RAPGEF1: variants seen among roughly 807,000 people sequenced by gnomAD.
RAPGEF1 encodes CRK SH3-binding GNRP.
In RAPGEF1, 33 loss-of-function variants were observed where a neutral mutation model predicts 143.3. The observed-to-expected ratio is 0.23, with a 90% confidence interval of 0.17 to 0.31. The LOEUF is 0.31. Ranked by LOEUF, RAPGEF1 falls within the 10% of genes least tolerant of loss-of-function variation. The pLI is 1.00. For synonymous variants in RAPGEF1, 629 were observed against 676.5 expected (o/e 0.93, Z 1.09); for missense variants, 1,199 against 1,645.4 (o/e 0.73, Z 4.69).
chr9:131,661,739 T>C (rs1263238683), intron 1 of RAPGEF1, among the ~76,000 whole-genome samples: 1 of 152,224 alleles, frequency 6.6e-6, no homozygotes, highest in Non-Finnish European at 1.5e-5. Flanking sequence ...CAAACAAATG[T>C]ATTTACCCAT....
intron 1 of RAPGEF1, among the ~76,000 whole-genome samples, chr9:131,734,801 T>A (rs1331502014): frequency 1.3e-5 from 2 of 152,318 alleles, no homozygotes; most frequent in Middle Eastern, 3.4e-3. Context: ...AATGCAGTCA[T>A]TATAAATTTC....
At chr9:131,707,024 C>T (rs1226182318) in intron 1 of RAPGEF1, among the ~76,000 whole-genome samples, 2 of 152,224 alleles carry the variant, frequency 1.3e-5, no homozygotes, top group African/African-American at 4.8e-5. Flanking sequence ...CAATGAAAAT[C>T]TTCAGACATT....
At chr9:131,643,516 T>G (rs1334157327) in intron 3 of RAPGEF1, 99 bp from the exon 4 acceptor site, 1 of 1,203,376 alleles carries the variant, frequency 8.3e-7, no homozygotes, top group Non-Finnish European at 1.1e-6. Flanking sequence ...TTGAGATCGA[T>G]AGGAATGGAA....
At chr9:131,687,796 A>G (rs1044130464) in intron 1 of RAPGEF1, among the ~76,000 whole-genome samples, 1 of 152,076 alleles carries the variant, frequency 6.6e-6, no homozygotes, top group African/African-American at 2.4e-5. Flanking sequence ...CTCCACCCCC[A>G]TGCCTTAAAA....
Position 131,621,763 on chromosome 9 carries a change from G to A in RAPGEF1, c.1905+33C>T, listed in dbSNP as rs779857859. 7 of 1,567,704 alleles carry A rather than the reference G, an allele frequency of 4.5e-6. No homozygotes were observed. Among genetic ancestry groups the A allele is most frequent in the Non-Finnish European group, 6.1e-6 (7 of 1,156,362 alleles). On this transcript the variant is annotated intron_variant, in intron 11 of 26. Coordinates refer to ENST00000683357, the MANE Select transcript of RAPGEF1 (RefSeq NM_001377935.1). This position sits in a 1 kb window ranked among gnomAD's most constrained non-coding sequence, Gnocchi z 4.5. ...GGTTCCTAGAGACCTGCTAGGATCG[G>A]AAGTTCTAGTCACAAGGGAAGGTGT...
intron 5 of RAPGEF1, among the ~76,000 whole-genome samples, chr9:131,633,971 A>T (rs1361616994): frequency 6.6e-6 from 1 of 152,214 alleles, no homozygotes; most frequent in African/African-American, 2.4e-5. Context: ...GTTAGAAAAG[A>T]CTGAAAAAGG....
intron 5 of RAPGEF1, among the ~76,000 whole-genome samples, chr9:131,633,606 G>GA (rs1965532450): frequency 6.6e-6 from 1 of 152,180 alleles, no homozygotes; most frequent in Non-Finnish European, 1.5e-5. Flanking sequence ...AACAATCCTG[G>GA]AATGACAGGC....
Position 131,724,381 on chromosome 9 carries a change from GC to G in RAPGEF1, c.61+15388del, listed in dbSNP as rs1261380180. Among the ~76,000 whole-genome samples the G allele has an allele frequency of 2.6e-5, 4 of 152,170 alleles. No individual in the cohort carries two copies. The East Asian group carries it at 7.7e-4, about 29-fold the overall frequency. On this transcript the variant is annotated intron_variant, in intron 1 of 26. Coordinates refer to ENST00000683357, the MANE Select transcript of RAPGEF1 (RefSeq NM_001377935.1). The stretch of plus-strand genomic sequence containing the variant: ...GAGGCCGAGGCAGGTGGATCACGAG[GC>G]CAGGAGATTGAGACCATCCTGGCTA...
chr9:131,586,555 G>A (rs1240643363), intron 22 of RAPGEF1, among the ~76,000 whole-genome samples: 1 of 75,498 alleles, frequency 1.3e-5, no homozygotes, highest in Non-Finnish European at 2.4e-5. Flanking sequence ...CCTGCAGAGC[G>A]AGACTCCGTC....
chr9:131,624,417 G>C (rs1962297598), intron 10 of RAPGEF1, among the ~76,000 whole-genome samples: 1 of 152,186 alleles, frequency 6.6e-6, no homozygotes, highest in Non-Finnish European at 1.5e-5. Context: ...TAAATTAATA[G>C]GGATTTTCAG....
At chr9:131,612,164 G>A (rs1476071715) in intron 12 of RAPGEF1, among the ~76,000 whole-genome samples, 2 of 152,194 alleles carry the variant, frequency 1.3e-5, no homozygotes, top group Non-Finnish European at 2.9e-5. Flanking sequence ...GGGATCCTGT[G>A]GGTACCAGCC....
intron 5 of RAPGEF1, among the ~76,000 whole-genome samples, chr9:131,631,445 C>G (rs938416444): frequency 5.9e-5 from 9 of 152,376 alleles, no homozygotes; most frequent in South Asian, 2.1e-4. Context: ...GGGCGAGGCG[C>G]CTGCTGCTCG....
intron 5 of RAPGEF1, 114 bp downstream of exon 5, chr9:131,638,521 C>T (rs565309717): frequency 9.6e-5 from 117 of 1,221,000 alleles, no homozygotes; most frequent in Non-Finnish European, 1.2e-4. Flanking sequence ...ACACCAGAGA[C>T]GCAGAAAGAC....
chr9:131,683,514 C>CA (rs1164587204), intron 1 of RAPGEF1, among the ~76,000 whole-genome samples: 1 of 151,620 alleles, frequency 6.6e-6, no homozygotes, highest in East Asian at 1.9e-4. Flanking sequence ...GTTATAATTC[C>CA]AAAAAATTGG....
intron 1 of RAPGEF1, among the ~76,000 whole-genome samples, chr9:131,731,575 T>A (rs1262211049): frequency 1.3e-5 from 2 of 152,214 alleles, no homozygotes; most frequent in African/African-American, 4.8e-5. Context: ...GTCACACTCC[T>A]GCTCCGTTTT....
At position 131,667,033 on chromosome 9, in the gene RAPGEF1, C is replaced by T. The variant is rs962222581; in HGVS notation, c.62-16084G>A. Among the ~76,000 whole-genome samples, 2 of 152,102 alleles carry T rather than the reference C, an allele frequency of 1.3e-5. No individual in the cohort carries two copies. The highest frequency in any genetic ancestry group is 4.8e-5 in the African/African-American group (2 of 41,420). Reference sequence around the variant, plus strand: ...GGAGACAGAGTCTCACTCTGTCACCCAGGCGGAGTGCAGTGGCACGAACTC... The same window carrying T: ...GGAGACAGAGTCTCACTCTGTCACCTAGGCGGAGTGCAGTGGCACGAACTC... On this transcript the variant is annotated intron_variant, in intron 1 of 26. Coordinates refer to ENST00000683357, the MANE Select transcript of RAPGEF1 (RefSeq NM_001377935.1). This position sits in a 1 kb window ranked among gnomAD's most constrained non-coding sequence, Gnocchi z 4.6.
chr9:131,610,842 T>A (rs1957929902), intron 12 of RAPGEF1, among the ~76,000 whole-genome samples: 1 of 152,224 alleles, frequency 6.6e-6, no homozygotes, highest in Admixed American at 6.5e-5. Context: ...GGAGAAAAGC[T>A]TATCTGATTT....
chr9:131,635,984 G>A (rs1225089991), intron 5 of RAPGEF1, among the ~76,000 whole-genome samples: 1 of 152,200 alleles, frequency 6.6e-6, no homozygotes, highest in Non-Finnish European at 1.5e-5. Flanking sequence ...CTCACTGTCT[G>A]TAATGACTCC....
At chr9:131,646,539 C>T (rs547100121) in intron 3 of RAPGEF1, among the ~76,000 whole-genome samples, 24 of 152,272 alleles carry the variant, frequency 1.6e-4, no homozygotes, top group Admixed American at 4.6e-4. Context: ...CAGGAGATGG[C>T]GGGGAAGAGG....
Sources: gnomAD v4.1 joint callset for allele counts (sites outside exome capture counted in the v4.1 genomes callset) on GRCh38, gnomAD v4.1.1 for gene constraint, Gnocchi (gnomAD v3.1) non-coding constraint, MANE v1.5 for transcripts, NCBI Gene and HGNC (gene_info 2026-07-23, HGNC 2026-07-21) for gene names.